BRWD3: variants seen among roughly 807,000 people sequenced by gnomAD.
BRWD3 encodes bromodomain and WD repeat domain containing 3, also known as bromodomain and WD repeat-containing protein 3.
In BRWD3, 10 loss-of-function variants were observed where a neutral mutation model predicts 149.7. The observed-to-expected ratio is 0.07, with a 90% CI of 0.04 to 0.11. The LOEUF (loss-of-function observed/expected upper bound fraction) is 0.11, where lower values mean the gene tolerates loss of function less well. Ranked by LOEUF, BRWD3 falls within the 10% of genes least tolerant of loss-of-function variation. BRWD3 has a pLI of 1.00. For synonymous variants in BRWD3, 504 were observed against 456.7 expected (o/e 1.10, Z -1.32); for missense variants, 940 against 1,373.2 (o/e 0.68, Z 4.99).
At chrX:80,757,147 T>C (rs2073750414) in intron 6 of BRWD3, among the ~76,000 whole-genome samples, 1 of 112,193 alleles carries the variant, frequency 8.9e-6, no homozygotes, top group Non-Finnish European at 1.9e-5. Flanking sequence ...TTAGTATATA[T>C]AATTAGTTAC....
intron 8 of BRWD3, among the ~76,000 whole-genome samples, chrX:80,738,758 G>C (rs1448386750): frequency 8.9e-6 from 1 of 111,870 alleles, no homozygotes; most frequent in Admixed American, 9.5e-5. Context: ...ATCCAGGGAA[G>C]ACCACTCCAG....
intron 6 of BRWD3, among the ~76,000 whole-genome samples, chrX:80,786,669 C>T (rs1233342555): frequency 9.0e-6 from 1 of 111,205 alleles, no homozygotes; most frequent in Non-Finnish European, 1.9e-5. Context: ...CATGCACCAC[C>T]AAGCCAAGCT....
At chrX:80,745,804 A>G in intron 6 of BRWD3, 75 bp from the exon 7 acceptor site, 1 of 961,521 alleles carries the variant, frequency 1.0e-6, no homozygotes, top group Non-Finnish European at 1.5e-6. Flanking sequence ...AAATATTAAG[A>G]TGAGACAAAA....
intron 4 of BRWD3, among the ~76,000 whole-genome samples, chrX:80,796,812 T>C (rs1343745542): frequency 9.0e-6 from 1 of 111,542 alleles, no homozygotes; most frequent in Non-Finnish European, 1.9e-5. Flanking sequence ...CAAACAACTA[T>C]ACAGAGCTAT....
intron 6 of BRWD3, among the ~76,000 whole-genome samples, chrX:80,758,345 A>G (rs1033788737): frequency 9.8e-5 from 11 of 112,244 alleles, no homozygotes; most frequent in Non-Finnish European, 2.1e-4. Flanking sequence ...ATCTACAAAA[A>G]TATATACAAC....
At chrX:80,712,393 C>T (rs1425390641) in intron 20 of BRWD3, among the ~76,000 whole-genome samples, 29 of 109,059 alleles carry the variant, frequency 2.7e-4, no homozygotes, top group Non-Finnish European at 1.1e-4. Flanking sequence ...GCGAGTGATC[C>T]GCAAGCCTCG....
chrX:80,764,710 T>C (rs1325418433), intron 6 of BRWD3, among the ~76,000 whole-genome samples: 1 of 110,653 alleles, frequency 9.0e-6, no homozygotes. Context: ...TTTCAGACTT[T>C]GAAAGCCCAT....
At chrX:80,771,924 T>C (rs949831102) in intron 6 of BRWD3, among the ~76,000 whole-genome samples, 2 of 111,474 alleles carry the variant, frequency 1.8e-5, no homozygotes, top group Non-Finnish European at 3.8e-5. Flanking sequence ...TGAGATACCA[T>C]CTCACACCAG....
intron 30 of BRWD3, 98 bp from the exon 31 acceptor site, chrX:80,691,271 T>G: frequency 5.5e-4 from 422 of 765,619 alleles, no homozygotes; most frequent in Non-Finnish European, 7.4e-4. Context: ...GGGAGGGTGA[T>G]ATACTACTTT....
At chrX:80,728,419 G>A (rs2073279729) in intron 14 of BRWD3, among the ~76,000 whole-genome samples, 1 of 110,889 alleles carries the variant, frequency 9.0e-6, no homozygotes, top group Non-Finnish European at 1.9e-5. Context: ...GTTGAAATAA[G>A]GTACGCTCTA....
At chrX:80,732,958 G>A (rs2073353077) in intron 12 of BRWD3, among the ~76,000 whole-genome samples, 2 of 110,467 alleles carry the variant, frequency 1.8e-5, no homozygotes, top group South Asian at 3.9e-4. Flanking sequence ...GTGAAACACC[G>A]TCTCTACTAA....
At chrX:80,695,054 T>C (rs892292902) in intron 27 of BRWD3, among the ~76,000 whole-genome samples, 2 of 110,901 alleles carry the variant, frequency 1.8e-5, no homozygotes, top group African/African-American at 6.6e-5. Flanking sequence ...GATTGGATTA[T>C]GGGGGCAGTT....
chrX:80,748,698 T>A (rs960374821), intron 6 of BRWD3, among the ~76,000 whole-genome samples: 3 of 111,769 alleles, frequency 2.7e-5, no homozygotes, highest in African/African-American at 9.8e-5. Flanking sequence ...TAAGATTTGT[T>A]AATCTTTTCT....
chrX:80,771,061 C>G (rs2073938198), intron 6 of BRWD3, among the ~76,000 whole-genome samples: 1 of 111,526 alleles, frequency 9.0e-6, no homozygotes, highest in Admixed American at 9.6e-5. Flanking sequence ...TGAAGGACCT[C>G]TTCTAGGAGA....
intron 6 of BRWD3, among the ~76,000 whole-genome samples, chrX:80,777,635 G>C (rs2074013202): frequency 2.7e-5 from 3 of 110,944 alleles, no homozygotes; most frequent in Admixed American, 1.9e-4. Flanking sequence ...CTGGGCTCAA[G>C]TGATCCTCCA....
intron 17 of BRWD3, among the ~76,000 whole-genome samples, chrX:80,721,747 T>G (rs1439757763): frequency 8.9e-6 from 1 of 111,802 alleles, no homozygotes; most frequent in Non-Finnish European, 1.9e-5. Context: ...CAAGACTGAG[T>G]GTTATTTAAA....
chrX:80,738,529 A>T (rs144500810), intron 8 of BRWD3, among the ~76,000 whole-genome samples: 1,834 of 111,235 alleles, frequency 0.016, 20 homozygotes, highest in Non-Finnish European at 0.027. Context: ...TACACAAATA[A>T]TAAAGAACAT....
Position 80,807,734 on chromosome X carries a change from TC to T in BRWD3, c.180+804del, listed in dbSNP as rs1371233803. ...AAACAACATAGACCAATGCCTTTGG[TC>T]CTTCACTAAAGTATATTCCATTTTT... On this transcript the variant is annotated intron_variant, in intron 4 of 40. Transcript: ENST00000373275. Among the ~76,000 whole-genome samples, 3 of 111,895 alleles carry T rather than the reference TC, an allele frequency of 2.7e-5. No homozygotes were observed. The Admixed American group carries it at 2.9e-4, about 11-fold the overall frequency.
rs2072590828 is a variant in BRWD3 at position 80,690,108 on chromosome X, T to C, written c.3603-16A>G. ...TGATATTCTCCTGTGAAAGAAAAAA[T>C]ACTCTGTTAGCCTTGGCTAATATAT... On this transcript the variant is annotated splice_polypyrimidine_tract_variant and intron_variant, in intron 31 of 40. Coordinates refer to ENST00000373275, the MANE Select transcript of BRWD3 (RefSeq NM_153252.5). 1 of 1,200,165 alleles carries C rather than the reference T, an allele frequency of 8.3e-7. No individual in the cohort carries two copies. The highest frequency in any genetic ancestry group is 1.1e-6 in the Non-Finnish European group (1 of 887,394).
Sources: gnomAD v4.1 joint callset for allele counts (sites outside exome capture counted in the v4.1 genomes callset) on GRCh38, gnomAD v4.1.1 for gene constraint, MANE v1.5 for transcripts, NCBI Gene and HGNC (gene_info 2026-07-23, HGNC 2026-07-21) for gene names.